SMIM31: variants seen among roughly 807,000 people sequenced by gnomAD.
SMIM31 encodes the protein human epithelial cell program regulator.
rs973673687 is a variant in SMIM31 at position 164,781,217 on chromosome 4, G to A, written c.112+10662G>A. On this transcript the variant is annotated intron_variant, in intron 2 of 2. Coordinates refer to ENST00000507311, the MANE Select transcript of SMIM31 (RefSeq NM_001352885.1). Reference sequence around the variant, plus strand: ...TGGAATTCTCATATGTTGCTGGTGGGAACGCAAAATGGTACAGCCAGTTTG... The same window carrying A: ...TGGAATTCTCATATGTTGCTGGTGGAAACGCAAAATGGTACAGCCAGTTTG... 2.6e-5 allele frequency among the ~76,000 whole-genome samples: 4 copies of A among 152,154 alleles called. No homozygotes were observed. The South Asian group carries it at 6.2e-4, about 24-fold the overall frequency.
intron 2 of SMIM31, among the ~76,000 whole-genome samples, chr4:164,772,398 C>T (rs1377043592): frequency 4.6e-5 from 7 of 152,118 alleles, no homozygotes; most frequent in Admixed American, 4.6e-4. Context: ...TACATTTCAA[C>T]ATGAGATTCG....
intron 2 of SMIM31, among the ~76,000 whole-genome samples, chr4:164,799,081 C>A (rs1300798511): frequency 6.6e-6 from 1 of 152,064 alleles, no homozygotes; most frequent in Non-Finnish European, 1.5e-5. Flanking sequence ...ACTTAAACCT[C>A]TTTTCTTTAT....
intron 2 of SMIM31, among the ~76,000 whole-genome samples, chr4:164,780,237 C>T (rs1256754458): frequency 5.9e-5 from 9 of 152,166 alleles, no homozygotes; most frequent in Admixed American, 5.2e-4. Flanking sequence ...ACCAGCCTGG[C>T]CAACATGGTG....
At chr4:164,777,305 G>A (rs1377158114) in intron 2 of SMIM31, among the ~76,000 whole-genome samples, 3 of 152,010 alleles carry the variant, frequency 2.0e-5, no homozygotes, top group Admixed American at 2.0e-4. Context: ...TAAATGGCGT[G>A]GTATATTTCC....
chr4:164,791,388 A>T (rs1250379759), intron 2 of SMIM31, among the ~76,000 whole-genome samples: 1 of 152,154 alleles, frequency 6.6e-6, no homozygotes, highest in Admixed American at 6.5e-5. Context: ...GCTGGACTGC[A>T]GTGGTGCGAT....
intron 2 of SMIM31, among the ~76,000 whole-genome samples, chr4:164,789,605 A>G (rs1036593035): frequency 2.6e-5 from 4 of 152,240 alleles, no homozygotes; most frequent in Admixed American, 6.5e-5. Flanking sequence ...TAGAAGATTT[A>G]TAAGTGGAAA....
chr4:164,756,939 C>G (rs1732570133), intron 1 of SMIM31, among the ~76,000 whole-genome samples: 1 of 152,158 alleles, frequency 6.6e-6, no homozygotes, highest in Non-Finnish European at 1.5e-5. Flanking sequence ...TGTAAATACC[C>G]AGAAGTGGAA....
intron 2 of SMIM31, among the ~76,000 whole-genome samples, chr4:164,788,951 T>C (rs969163146): frequency 6.6e-6 from 1 of 152,194 alleles, no homozygotes; most frequent in Non-Finnish European, 1.5e-5. Context: ...AATGTGTTGA[T>C]TTTATGTTTT....
intron 2 of SMIM31, among the ~76,000 whole-genome samples, chr4:164,777,688 A>G (rs1032348159): frequency 1.3e-5 from 2 of 151,638 alleles, no homozygotes; most frequent in Admixed American, 1.3e-4. Flanking sequence ...GACAAGCAGT[A>G]GCTATCCAGC....
rs376176168 is a variant in SMIM31, at chr4:164,779,892, T to C, written c.112+9337T>C. On this transcript the variant is annotated intron_variant, in intron 2 of 2. Transcript: ENST00000507311. ...CAAATTTTGAGAACAGGCAACAAACTGGTTTTTTGGCATGTCTTAGAAGTA... is the reference window on the plus strand; with the variant it reads ...CAAATTTTGAGAACAGGCAACAAACCGGTTTTTTGGCATGTCTTAGAAGTA... Among the ~76,000 whole-genome samples the C allele has an allele frequency of 7.9e-5, 12 of 152,276 alleles. No homozygotes were observed. In the East Asian group the frequency reaches 2.1e-3, roughly 27 times the overall value.
intron 2 of SMIM31, among the ~76,000 whole-genome samples, chr4:164,783,873 A>AT (rs1434589065): frequency 6.6e-6 from 1 of 152,344 alleles, no homozygotes; most frequent in African/African-American, 2.4e-5. Context: ...ATTTATATGA[A>AT]TTTTCCTGTA....
chr4:164,770,020 A>T (rs1230401160), intron 1 of SMIM31, among the ~76,000 whole-genome samples: 1 of 152,178 alleles, frequency 6.6e-6, no homozygotes, highest in East Asian at 1.9e-4. Flanking sequence ...CAATACTGGT[A>T]CCTCACTTAC....
intron 2 of SMIM31, among the ~76,000 whole-genome samples, chr4:164,794,224 A>T (rs1371449603): frequency 6.6e-6 from 1 of 152,008 alleles, no homozygotes; most frequent in Non-Finnish European, 1.5e-5. Flanking sequence ...AAAAAATTTT[A>T]AAAATTTAGT....
chr4:164,800,421 T>TG (rs1197746956), intron 2 of SMIM31, among the ~76,000 whole-genome samples: 2 of 152,160 alleles, frequency 1.3e-5, no homozygotes, highest in African/African-American at 4.8e-5. Context: ...TTGGCCGGGC[T>TG]GGTTTTGAAC....
chr4:164,800,662 A>G (rs1348815089), intron 2 of SMIM31, among the ~76,000 whole-genome samples: 2 of 152,194 alleles, frequency 1.3e-5, no homozygotes, highest in Non-Finnish European at 2.9e-5. Flanking sequence ...CAGTCTGTGG[A>G]CAGTGGCCTC....
intron 2 of SMIM31, among the ~76,000 whole-genome samples, chr4:164,778,472 A>G (rs1732906254): frequency 6.6e-6 from 1 of 152,302 alleles, no homozygotes; most frequent in South Asian, 2.1e-4. Flanking sequence ...ATATGTGATG[A>G]CTCGATGAAA....
intron 1 of SMIM31, among the ~76,000 whole-genome samples, chr4:164,762,931 A>C (rs1203689920): frequency 1.3e-5 from 2 of 152,310 alleles, no homozygotes; most frequent in East Asian, 3.9e-4. Flanking sequence ...TCCTTGGGCA[A>C]AAATAAAGCT....
intron 2 of SMIM31, among the ~76,000 whole-genome samples, chr4:164,782,440 A>G (rs1300588821): frequency 5.5e-5 from 7 of 126,910 alleles, no homozygotes; most frequent in East Asian, 4.5e-4. Flanking sequence ...GTGCAGTGGT[A>G]CGATCTCGGC....
chr4:164,765,772 A>G (rs1023696835), intron 1 of SMIM31, among the ~76,000 whole-genome samples: 3 of 152,172 alleles, frequency 2.0e-5, no homozygotes, highest in African/African-American at 7.2e-5. Context: ...TTTTCAGCCC[A>G]TAGTTTTCTA....
Sources: allele counts gnomAD v4.1 joint callset (sites outside exome capture counted in the v4.1 genomes callset), GRCh38; gene constraint gnomAD v4.1.1; transcripts MANE v1.5; gene names NCBI Gene and HGNC (gene_info 2026-07-23, HGNC 2026-07-21).